The following XYLT1 variants were observed in gnomAD, a reference collection of about 807,000 sequenced individuals.
XYLT1 encodes xylosyltransferase 1.
In XYLT1, 36 loss-of-function variants were observed where a neutral mutation model predicts 91.3. The ratio of observed to expected loss-of-function variants is 0.39; its 90% CI spans 0.30 to 0.52. The LOEUF (loss-of-function observed/expected upper bound fraction) is 0.52, where lower values mean the gene tolerates loss of function less well. Ranked by LOEUF, XYLT1 falls within the 20% of genes least tolerant of loss-of-function variation. XYLT1 has a pLI of 0.68. For synonymous variants in XYLT1, 588 were observed against 532.0 expected (o/e 1.11, Z -1.45); for missense variants, 1,242 against 1,284.5 (o/e 0.97, Z 0.51).
chr16:17,149,796 A>G (rs1241154199), intron 6 of XYLT1, among the ~76,000 whole-genome samples: 1 of 152,246 alleles, frequency 6.6e-6, no homozygotes, highest in African/African-American at 2.4e-5. Context: ...AACTTTAATC[A>G]TATGGTACTT....
chr16:17,167,013 C>T (rs1029818672), intron 5 of XYLT1, among the ~76,000 whole-genome samples: 1 of 152,182 alleles, frequency 6.6e-6, no homozygotes, highest in Non-Finnish European at 1.5e-5. Flanking sequence ...AGTGCTCGTC[C>T]TCCTTAATTT....
chr16:17,188,121 T>C (rs188587950), intron 5 of XYLT1, among the ~76,000 whole-genome samples: 152 of 152,134 alleles, frequency 1.0e-3, no homozygotes, highest in African/African-American at 3.5e-3. Context: ...GGCTTCCTTC[T>C]AGGACACCTG....
chr16:17,276,565 A>G (rs920634550), intron 2 of XYLT1, among the ~76,000 whole-genome samples: 2 of 152,176 alleles, frequency 1.3e-5, no homozygotes, highest in Non-Finnish European at 1.5e-5. Flanking sequence ...AAACCTCATC[A>G]CTACCAACTT....
intron 3 of XYLT1, among the ~76,000 whole-genome samples, chr16:17,214,065 G>A (rs2032811536): frequency 6.6e-6 from 1 of 152,160 alleles, no homozygotes; most frequent in Admixed American, 6.5e-5. Context: ...CAGGGCATTT[G>A]AAATCCCTAG....
chr16:17,337,322 G>T (rs1264268314), intron 2 of XYLT1, among the ~76,000 whole-genome samples: 1 of 152,050 alleles, frequency 6.6e-6, no homozygotes, highest in Non-Finnish European at 1.5e-5. Flanking sequence ...CAGGTAGCTG[G>T]AACTATAAGC....
At chr16:17,341,490 C>T (rs2035063039) in intron 2 of XYLT1, among the ~76,000 whole-genome samples, 1 of 152,130 alleles carries the variant, frequency 6.6e-6, no homozygotes. Flanking sequence ...TATGATGTTC[C>T]ATTTCAAGGA....
chr16:17,283,960 G>A (rs561531531), intron 2 of XYLT1, among the ~76,000 whole-genome samples: 55 of 152,166 alleles, frequency 3.6e-4, no homozygotes, highest in African/African-American at 1.2e-3. Context: ...CTATACACCC[G>A]CCCAGTCAGA....
chr16:17,385,927 T>C (rs149509640), intron 1 of XYLT1, among the ~76,000 whole-genome samples: 8 of 152,306 alleles, frequency 5.3e-5, no homozygotes, highest in African/African-American at 1.9e-4. Flanking sequence ...AAAACAGCAC[T>C]AACAATAGCA....
At chr16:17,325,954 G>T (rs79083871) in intron 2 of XYLT1, among the ~76,000 whole-genome samples, 12 of 152,256 alleles carry the variant, frequency 7.9e-5, no homozygotes, top group Non-Finnish European at 1.2e-4. Flanking sequence ...TCCGTGTTCC[G>T]CTTGTCTGAA....
At chr16:17,361,298 C>T (rs1205479532) in intron 1 of XYLT1, among the ~76,000 whole-genome samples, 1 of 152,222 alleles carries the variant, frequency 6.6e-6, no homozygotes, top group African/African-American at 2.4e-5. Flanking sequence ...ACACAATCTA[C>T]AGCGTGCAGC....
At chr16:17,383,753 T>G (rs913383244) in intron 1 of XYLT1, among the ~76,000 whole-genome samples, 4 of 87,104 alleles carry the variant, frequency 4.6e-5, no homozygotes, top group Non-Finnish European at 8.8e-5. Flanking sequence ...TGGAATTTTC[T>G]TTTTTTTTTT....
intron 1 of XYLT1, among the ~76,000 whole-genome samples, chr16:17,418,439 C>T (rs991121157): frequency 6.6e-6 from 1 of 152,086 alleles, no homozygotes; most frequent in Admixed American, 6.5e-5. Context: ...TCCAGCCTAT[C>T]ATATTTGATG....
intron 1 of XYLT1, among the ~76,000 whole-genome samples, chr16:17,420,580 G>A (rs1295574453): frequency 6.6e-6 from 1 of 152,112 alleles, no homozygotes; most frequent in Non-Finnish European, 1.5e-5. Flanking sequence ...CACTTCAAGA[G>A]AACAAGGCAA....
chr16:17,350,929 T>C (rs933347663), intron 2 of XYLT1, among the ~76,000 whole-genome samples: 3 of 152,102 alleles, frequency 2.0e-5, no homozygotes, highest in African/African-American at 7.2e-5. Flanking sequence ...CAGGCCTAAA[T>C]ATCAAGATAT....
chr16:17,290,077 G>A (rs769643501), intron 2 of XYLT1, among the ~76,000 whole-genome samples: 14 of 151,896 alleles, frequency 9.2e-5, no homozygotes, highest in Non-Finnish European at 1.5e-4. Flanking sequence ...TTAGAATATC[G>A]AACCGTGTTG....
chr16:17,386,833 A>T (rs1349024332), intron 1 of XYLT1, among the ~76,000 whole-genome samples: 2 of 152,214 alleles, frequency 1.3e-5, no homozygotes, highest in African/African-American at 4.8e-5. Flanking sequence ...AGGCAGGTGT[A>T]GTTGTCATCA....
In XYLT1 at chr16:17,360,081, C is replaced by T. The variant is rs534047863; in HGVS notation, c.364-2031G>A. Among the ~76,000 whole-genome samples, 256 of 152,258 alleles carry T rather than the reference C, an allele frequency of 1.7e-3. 2 individuals are homozygous for T. The highest frequency in any genetic ancestry group is 1.2e-3 in the Non-Finnish European group (84 of 68,030). On this transcript the variant is annotated intron_variant, in intron 1 of 11. Transcript: ENST00000261381. The stretch of plus-strand genomic sequence containing the variant: ...TCTGTCCATTCAGATCTTACCACCT[C>T]GATTTTGATTATAAGATAAGAAGCT...
intron 2 of XYLT1, among the ~76,000 whole-genome samples, chr16:17,334,000 A>C (rs1315821708): frequency 6.6e-6 from 1 of 152,158 alleles, no homozygotes; most frequent in Non-Finnish European, 1.5e-5. Flanking sequence ...TACAAAAGGT[A>C]TGGAGAGAAC....
chr16:17,403,135 C>T (rs934693698), intron 1 of XYLT1, among the ~76,000 whole-genome samples: 1 of 152,192 alleles, frequency 6.6e-6, no homozygotes, highest in African/African-American at 2.4e-5. Flanking sequence ...CCAGCCACAG[C>T]TAACACTTAC....
Sources: gnomAD v4.1 joint callset for allele counts (sites outside exome capture counted in the v4.1 genomes callset) on GRCh38, gnomAD v4.1.1 for gene constraint, MANE v1.5 for transcripts, NCBI Gene and HGNC (gene_info 2026-07-23, HGNC 2026-07-21) for gene names.